Variants in NUFIP2 observed in about 807,000 individuals in gnomAD.
The protein encoded by NUFIP2 is nuclear FMR1 interacting protein 2, also known as FMR1-interacting protein NUFIP2.
In NUFIP2, 6 loss-of-function variants were observed where a neutral mutation model predicts 56.9. That is an observed-to-expected ratio of 0.11 (90% CI 0.06 to 0.21). The LOEUF (loss-of-function observed/expected upper bound fraction) is 0.21, where lower values mean the gene tolerates loss of function less well. Ranked by LOEUF, NUFIP2 falls within the 10% of genes least tolerant of loss-of-function variation. The pLI is 1.00. For synonymous variants in NUFIP2, 321 were observed against 298.2 expected (o/e 1.08, Z -0.79); for missense variants, 828 against 826.8 (o/e 1.00, Z -0.02).
In NUFIP2 at chr17:29,261,216, A is replaced by G. The variant is rs2069000623; in HGVS notation, c.*3323T>C. The G allele has an allele frequency of 6.6e-6, 1 of 152,160 alleles. No individual in the cohort carries two copies. Among genetic ancestry groups the G allele is most frequent in the African/African-American group, 2.4e-5 (1 of 41,456 alleles). 9.4% of individuals were successfully genotyped at this position (152,160 alleles called of 1,614,324 possible). On this transcript the variant is annotated 3_prime_UTR_variant, in exon 4 of 4. Coordinates refer to ENST00000225388, the MANE Select transcript of NUFIP2 (RefSeq NM_020772.3). Reference sequence around the variant, plus strand: ...TTCATAGCTATTAAAAAAATAGGTCATAATTTCATTCTTAGTGCCATTTTT... The same window carrying G: ...TTCATAGCTATTAAAAAAATAGGTCGTAATTTCATTCTTAGTGCCATTTTT...
intron 2 of NUFIP2, among the ~76,000 whole-genome samples, chr17:29,275,406 A>C (rs1309192191): frequency 6.6e-6 from 1 of 152,162 alleles, no homozygotes; most frequent in African/African-American, 2.4e-5. Flanking sequence ...ATGAAAAGGG[A>C]ACTCAAGGAA....
At chr17:29,270,384 C>T (rs2069064762) in intron 2 of NUFIP2, among the ~76,000 whole-genome samples, 1 of 150,344 alleles carries the variant, frequency 6.7e-6, no homozygotes, top group South Asian at 2.1e-4. Context: ...ACACTTATCA[C>T]TCCAATATAA....
intron 3 of NUFIP2, among the ~76,000 whole-genome samples, chr17:29,265,282 TTTTTA>T (rs1173875247): frequency 7.5e-5 from 11 of 147,202 alleles, no homozygotes; most frequent in Non-Finnish European, 8.9e-5. Context: ...ACTGTTTTTA[TTTTTA>T]TTTTTTTATT....
chr17:29,272,532 A>C (rs1951113444), intron 2 of NUFIP2, among the ~76,000 whole-genome samples: 1 of 152,042 alleles, frequency 6.6e-6, no homozygotes, highest in African/African-American at 2.4e-5. Flanking sequence ...GAGCCGCTGC[A>C]CCTGGCCCCT....
At chr17:29,267,182 G>C (rs1267511602) in intron 3 of NUFIP2, among the ~76,000 whole-genome samples, 1 of 151,376 alleles carries the variant, frequency 6.6e-6, no homozygotes, top group African/African-American at 2.4e-5. Flanking sequence ...AGGATTACAG[G>C]CGTGAGCCAC....
intron 1 of NUFIP2, among the ~76,000 whole-genome samples, chr17:29,288,409 G>C (rs2069191329): frequency 6.6e-6 from 1 of 152,238 alleles, no homozygotes; most frequent in South Asian, 2.1e-4. Context: ...TATTGAAACA[G>C]TAATTATTAC....
chr17:29,275,386 T>C (rs529730574), intron 2 of NUFIP2, among the ~76,000 whole-genome samples: 11 of 152,106 alleles, frequency 7.2e-5, no homozygotes, highest in East Asian at 3.9e-4. Flanking sequence ...TCCAGGGAAA[T>C]TGATGTAACA....
At chr17:29,289,265 G>A (rs2069196495) in intron 1 of NUFIP2, among the ~76,000 whole-genome samples, 1 of 152,280 alleles carries the variant, frequency 6.6e-6, no homozygotes, top group African/African-American at 2.4e-5. Flanking sequence ...TTTATGAAAT[G>A]TTCATAAAAG....
chr17:29,274,941 A>T (rs1038157141), intron 2 of NUFIP2, among the ~76,000 whole-genome samples: 4 of 152,144 alleles, frequency 2.6e-5, no homozygotes, highest in Admixed American at 2.0e-4. Flanking sequence ...AGAAAGAAAA[A>T]GCAGGTTTTG....
chr17:29,289,759 C>T (rs1352011961), intron 1 of NUFIP2, among the ~76,000 whole-genome samples: 4 of 152,080 alleles, frequency 2.6e-5, no homozygotes, highest in Non-Finnish European at 5.9e-5. Context: ...ACAGGACTTA[C>T]TCATTCTACA....
chr17:29,262,096 TG>T lies in NUFIP2; in HGVS notation c.*2442del, dbSNP rs2153010396. ...TCTAAGTTAAAAAGCCCAATTCAGG[TG>T]GGGTCTGGGTTTGTTTTTTGTTTTT... On this transcript the variant is annotated 3_prime_UTR_variant, in exon 4 of 4. Transcript: ENST00000225388. The T allele has an allele frequency of 6.6e-6, 1 of 152,376 alleles. No individual in the cohort carries two copies. The highest frequency in any genetic ancestry group is 6.5e-5 in the Admixed American group (1 of 15,286). 9.4% of individuals were successfully genotyped at this position (152,376 alleles called of 1,614,324 possible).
chr17:29,286,181 C>T lies in NUFIP2; in HGVS notation c.1813G>A (p.Asp605Asn). 6.2e-7 allele frequency: 1 copy of T among 1,614,034 alleles called. No homozygotes were observed. Among genetic ancestry groups the T allele is most frequent in the Middle Eastern group, 1.6e-4 (1 of 6,062 alleles). Residue 605 changes from aspartate to asparagine, a missense_variant, in exon 2 of 4, where the codon GAC (aspartate) becomes AAC (asparagine). Coordinates refer to ENST00000225388, the MANE Select transcript of NUFIP2 (RefSeq NM_020772.3). ...PSHIGDLQKA[D>N]TSSQGALVFL... is the part of the protein sequence containing the mutation. ...ACTAAAGCACCTTGACTACTGGTGT[C>T]TGCTTTCTGCAGGTCACCTATATGA...
chr17:29,287,531 T>C lies in NUFIP2; in HGVS notation c.463A>G (p.Ile155Val), dbSNP rs745316552. Residue 155 changes from isoleucine to valine, a missense_variant, in exon 2 of 4, where the codon ATT becomes GTT. Coordinates refer to ENST00000225388, the MANE Select transcript of NUFIP2 (RefSeq NM_020772.3). ...TTTTTGTCCATACTGTTTTTCTGAA[T>C]GAAATTCTTGGTTTTAATTCCTGCT... Reference protein sequence around the residue: ...GKAGIKTKNFIQKNSMDKKNG... With the variant: ...GKAGIKTKNFVQKNSMDKKNG... 2.3e-5 allele frequency: 37 copies of C among 1,614,016 alleles called. No homozygotes were observed. The highest frequency in any genetic ancestry group is 1.6e-4 in the Middle Eastern group (1 of 6,084).
chr17:29,292,098 T>C (rs538954339), intron 1 of NUFIP2, among the ~76,000 whole-genome samples: 2 of 152,206 alleles, frequency 1.3e-5, no homozygotes, highest in Non-Finnish European at 2.9e-5. Context: ...TCTCGTGAAA[T>C]ACTTTCTTAC....
chr17:29,289,443 T>C (rs2069197640), intron 1 of NUFIP2, among the ~76,000 whole-genome samples: 1 of 151,940 alleles, frequency 6.6e-6, no homozygotes, highest in South Asian at 2.1e-4. Flanking sequence ...AAATACAAAA[T>C]TGGCCAGGCA....
At chr17:29,279,786 T>TAG (rs1257429019) in intron 2 of NUFIP2, among the ~76,000 whole-genome samples, 1 of 152,118 alleles carries the variant, frequency 6.6e-6, no homozygotes, top group African/African-American at 2.4e-5. Context: ...ATGCTAGGAT[T>TAG]ATAGGCAAGA....
intron 1 of NUFIP2, 21 bp downstream of exon 1, chr17:29,293,762 C>A (rs753332068): frequency 2.6e-6 from 4 of 1,539,190 alleles, no homozygotes; most frequent in Non-Finnish European, 3.5e-6. Context: ...CCCCTTCCCC[C>A]ACCCGTCCTC....
chr17:29,282,039 G>A (rs2069143314), intron 2 of NUFIP2, among the ~76,000 whole-genome samples: 1 of 151,668 alleles, frequency 6.6e-6, no homozygotes. Context: ...TGGGATTACA[G>A]GCGTGAGCCA....
chr17:29,293,711 ATCCAGCCCCACCCCCATCTCTCCTGTCC>A (rs2153013264), intron 1 of NUFIP2, 44 bp downstream of exon 1: 11 of 1,416,208 alleles, frequency 7.8e-6, no homozygotes, highest in Non-Finnish European at 1.0e-5. Context: ...CGCTTTTCGG[ATCCAGCCCCACCCCCATCTCTCCTGTCC>A]TCCACCCCCA....
Sources: gnomAD v4.1 joint callset for allele counts (sites outside exome capture counted in the v4.1 genomes callset) on GRCh38, gnomAD v4.1.1 for gene constraint, MANE v1.5 for transcripts, NCBI Gene and HGNC (gene_info 2026-07-23, HGNC 2026-07-21) for gene names.